The following MTCL1 variants were observed in gnomAD, a reference collection of about 807,000 sequenced individuals.
MTCL1 encodes the protein microtubule crosslinking factor 1, also known as microtubule cross-linking factor 1.
A neutral mutation model predicts 141.4 loss-of-function variants in MTCL1; 79 were observed. That is an observed-to-expected ratio of 0.56 (90% CI 0.47 to 0.67). The LOEUF (loss-of-function observed/expected upper bound fraction) is 0.67. MTCL1 is among the 30% of genes least tolerant of loss of function. MTCL1 has a pLI of 0.00. For synonymous variants in MTCL1, 914 were observed against 875.8 expected, an observed-to-expected ratio of 1.04 and a Z score of -0.77; for missense variants, 2,177 against 2,113.9, an observed-to-expected ratio of 1.03 and a Z score of -0.59.
At chr18:8,785,707 T>G in intron 6 of MTCL1, 1 of 558,416 alleles carries the variant, frequency 1.8e-6, no homozygotes. Context: ...CACCCGCCCC[T>G]TTGCTCATCC....
At chr18:8,775,161 G>A (rs151306130) in intron 4 of MTCL1, among the ~76,000 whole-genome samples, 203 of 152,310 alleles carry the variant, frequency 1.3e-3, no homozygotes, top group African/African-American at 4.7e-3. Flanking sequence ...AGCAGGCTCT[G>A]CCCTCACTGC....
rs1437896425 is a variant in MTCL1, at chr18:8,810,690, C to G, written c.2605-2289C>G. On this transcript the variant is annotated intron_variant, in intron 11 of 16. Transcript: ENST00000359865. This position sits in a 1 kb window ranked among gnomAD's most constrained non-coding sequence, Gnocchi z 5.0. The stretch of plus-strand genomic sequence containing the variant: ...AACTGGGATTTTGTGGTGCTTGGTG[C>G]TTTTCTGGTAGTCTTCTGGTTAACT... Among the ~76,000 whole-genome samples the G allele has an allele frequency of 1.3e-5, 2 of 152,068 alleles. No individual in the cohort carries two copies. Among genetic ancestry groups the G allele is most frequent in the Non-Finnish European group, 2.9e-5 (2 of 68,016 alleles).
At chr18:8,780,268 C>T (rs988966635) in intron 5 of MTCL1, among the ~76,000 whole-genome samples, 6 of 152,252 alleles carry the variant, frequency 3.9e-5, no homozygotes, top group African/African-American at 1.4e-4. Flanking sequence ...CTGGTCCACA[C>T]GCCTGTTTGA....
chr18:8,791,489 G>A (rs907804094), intron 7 of MTCL1, among the ~76,000 whole-genome samples: 1 of 150,074 alleles, frequency 6.7e-6, no homozygotes, highest in African/African-American at 2.5e-5. Flanking sequence ...AGCCAGTAAC[G>A]TCCAACAGGG....
chr18:8,737,655 G>C (rs1470082316), intron 4 of MTCL1, among the ~76,000 whole-genome samples: 1 of 152,238 alleles, frequency 6.6e-6, no homozygotes, highest in Non-Finnish European at 1.5e-5. Context: ...ATGACTGAGG[G>C]AATGCTTTAT....
At chr18:8,751,679 G>C (rs2096372154) in intron 4 of MTCL1, among the ~76,000 whole-genome samples, 1 of 152,228 alleles carries the variant, frequency 6.6e-6, no homozygotes, top group Non-Finnish European at 1.5e-5. Flanking sequence ...GACGGGGTAG[G>C]TGTGAGGCAG....
At chr18:8,757,705 AT>A (rs201141832) in intron 4 of MTCL1, among the ~76,000 whole-genome samples, 2 of 151,632 alleles carry the variant, frequency 1.3e-5, no homozygotes, top group Non-Finnish European at 2.9e-5. Flanking sequence ...CATTTTTGAG[AT>A]TTTTTTTTCA....
chr18:8,724,854 C>T lies in MTCL1; in HGVS notation c.357+4358C>T, dbSNP rs77667637. Among the ~76,000 whole-genome samples, 865 of 152,176 alleles carry T rather than the reference C, an allele frequency of 5.7e-3. 7 individuals are homozygous for T. The highest frequency in any genetic ancestry group is 0.01 in the Middle Eastern group (3 of 294). On this transcript the variant is annotated intron_variant, in intron 4 of 16. Coordinates refer to ENST00000359865, the Ensembl canonical transcript of MTCL1. ...AAAGGGCTGATCTGGCTAGAATTATCCCTTCCCACTAGCCAGCTTGCTTGC... is the reference window on the plus strand; with the variant it reads ...AAAGGGCTGATCTGGCTAGAATTATTCCTTCCCACTAGCCAGCTTGCTTGC...
intron 4 of MTCL1, among the ~76,000 whole-genome samples, chr18:8,739,982 T>C (rs1197602293): frequency 2.6e-5 from 4 of 152,216 alleles, no homozygotes; most frequent in South Asian, 2.1e-4. Context: ...CTGCCCGCCT[T>C]GGCCTCCCAA....
intron 4 of MTCL1, among the ~76,000 whole-genome samples, chr18:8,753,600 A>G (rs577030341): frequency 6.6e-6 from 1 of 152,328 alleles, no homozygotes; most frequent in East Asian, 1.9e-4. Flanking sequence ...GTGACATCAG[A>G]GAGCCCCTGA....
chr18:8,794,811 C>T (rs1000282408), intron 8 of MTCL1, among the ~76,000 whole-genome samples: 2 of 152,158 alleles, frequency 1.3e-5, no homozygotes, highest in African/African-American at 4.8e-5. Context: ...ACCAGACCTC[C>T]CTTCTTTTTA....
chr18:8,718,281 C>G, intron 2 of MTCL1, 143 bp from the exon 2 acceptor site: 2 of 765,842 alleles, frequency 2.6e-6, no homozygotes, highest in Non-Finnish European at 4.2e-6. Context: ...GTTCTGGTGC[C>G]TGTCACCCAG....
At chr18:8,738,838 T>A (rs992785265) in intron 4 of MTCL1, among the ~76,000 whole-genome samples, 1 of 152,180 alleles carries the variant, frequency 6.6e-6, no homozygotes, top group African/African-American at 2.4e-5. Flanking sequence ...AATTAAAACC[T>A]TGGGCAGCCA....
chr18:8,790,687 G>A (rs1226907763), intron 7 of MTCL1, among the ~76,000 whole-genome samples: 1 of 152,190 alleles, frequency 6.6e-6, no homozygotes, highest in Non-Finnish European at 1.5e-5. Flanking sequence ...GGAAATTTAG[G>A]GGAATCTTCA....
At chr18:8,786,250 C>A in intron 7 of MTCL1, 159 bp downstream of exon 6, 1 of 856,242 alleles carries the variant, frequency 1.2e-6, no homozygotes, top group Non-Finnish European at 1.9e-6. Context: ...CATTTTGTGG[C>A]ACTGGGACAG....
chr18:8,759,975 C>T (rs1029835311), intron 4 of MTCL1, among the ~76,000 whole-genome samples: 2 of 149,030 alleles, frequency 1.3e-5, no homozygotes. Context: ...CACAGCACAT[C>T]GGGGCTATGC....
chr18:8,794,084 G>A (rs2075828985), intron 8 of MTCL1, among the ~76,000 whole-genome samples: 1 of 152,204 alleles, frequency 6.6e-6, no homozygotes, highest in South Asian at 2.1e-4. Context: ...CTCTTTTTAA[G>A]TGTTTCATTT....
chr18:8,768,176 C>T (rs1005645059), intron 4 of MTCL1, among the ~76,000 whole-genome samples: 10 of 152,230 alleles, frequency 6.6e-5, no homozygotes, highest in African/African-American at 2.4e-4. Context: ...TGTATGTTAA[C>T]ATTGTACTAT....
At position 8,762,678 on chromosome 18, in the gene MTCL1, C is replaced by T. The variant is rs143295654; in HGVS notation, c.358-15155C>T. Among the ~76,000 whole-genome samples, 503 of 152,334 alleles carry T rather than the reference C, an allele frequency of 3.3e-3. 2 individuals are homozygous for T. Among genetic ancestry groups the T allele is most frequent in the African/African-American group, 0.011 (473 of 41,590 alleles). On this transcript the variant is annotated intron_variant, in intron 4 of 16. Transcript: ENST00000359865. The stretch of plus-strand genomic sequence containing the variant: ...GCCAGAACCCCCACAGGGGTGGCAA[C>T]AGGAGTGATCACACTGATAGCTGAA...
Sources: allele counts gnomAD v4.1 joint callset (sites outside exome capture counted in the v4.1 genomes callset), GRCh38; gene constraint gnomAD v4.1.1; non-coding constraint Gnocchi (gnomAD v3.1); transcripts MANE v1.5; gene names NCBI Gene and HGNC (gene_info 2026-07-23, HGNC 2026-07-21).